ZNF624: variants seen among roughly 807,000 people sequenced by gnomAD.
The protein encoded by ZNF624 is zinc finger protein 624.
A neutral mutation model predicts 74.7 loss-of-function variants in ZNF624; 43 were observed. That is an observed-to-expected ratio of 0.58 (90% CI 0.45 to 0.74). The LOEUF is 0.74. Ranked by LOEUF, ZNF624 falls within the 30% of genes least tolerant of loss-of-function variation. The probability of loss-of-function intolerance (pLI) is 0.00; values close to 1 mark genes in which losing one functional copy is unlikely to be tolerated. For synonymous variants in ZNF624, 331 were observed against 341.3 expected (o/e 0.97, Z 0.33); for missense variants, 820 against 1,030.0 (o/e 0.80, Z 2.79).
At chr17:16,651,573 T>TA (rs1429361104) in intron 1 of ZNF624, among the ~76,000 whole-genome samples, 2 of 151,888 alleles carry the variant, frequency 1.3e-5, no homozygotes, top group African/African-American at 4.8e-5. Flanking sequence ...AGTGTGGAGA[T>TA]AAAAGAGGTA....
At chr17:16,643,862 T>C (rs1332804934) in intron 3 of ZNF624, among the ~76,000 whole-genome samples, 2 of 152,186 alleles carry the variant, frequency 1.3e-5, no homozygotes, top group African/African-American at 4.8e-5. Context: ...GCTGCGACAG[T>C]TTGGATGCCT....
rs149500375 is a variant in ZNF624, at chr17:16,634,113, A to G, written c.281-156T>C. On this transcript the variant is annotated intron_variant, in intron 4 of 5. Transcript: ENST00000311331. The stretch of plus-strand genomic sequence containing the variant: ...CAGTTGCCAATTGTCACATATGGCT[A>G]TTTAAATTTGAATTTAAATAAAATC... Among the ~76,000 whole-genome samples, 511 of 152,350 alleles carry G rather than the reference A, an allele frequency of 3.4e-3. 4 individuals carry two copies. The highest frequency in any genetic ancestry group is 0.012 in the African/African-American group (489 of 41,592).
chr17:16,631,511 A>C (rs1225224748), intron 5 of ZNF624: 1 of 152,216 alleles, frequency 6.6e-6, no homozygotes, highest in African/African-American at 2.4e-5. Flanking sequence ...GGATAGCTTG[A>C]GCCCAGGAGT....
downstream of ZNF624, among the ~76,000 whole-genome samples, chr17:16,620,210 G>A (rs1296817299): frequency 1.3e-5 from 2 of 152,122 alleles, no homozygotes; most frequent in Non-Finnish European, 2.9e-5. Flanking sequence ...GTCTGTTAGG[G>A]CCTTCTGGTA....
At chr17:16,626,738 T>C (rs1417612921) in intron 5 of ZNF624, among the ~76,000 whole-genome samples, 1 of 151,782 alleles carries the variant, frequency 6.6e-6, no homozygotes, top group Non-Finnish European at 1.5e-5. Context: ...GGTGACAAAG[T>C]GAAACCCTGT....
intron 3 of ZNF624, among the ~76,000 whole-genome samples, chr17:16,646,591 G>A (rs1226513399): frequency 6.6e-6 from 1 of 152,210 alleles, no homozygotes; most frequent in Non-Finnish European, 1.5e-5. Context: ...AAAAAAGAAT[G>A]CTGGAATAAG....
chr17:16,627,826 T>A (rs142315839), intron 5 of ZNF624, among the ~76,000 whole-genome samples: 42 of 152,330 alleles, frequency 2.8e-4, no homozygotes, highest in Non-Finnish European at 4.1e-4. Context: ...GAATGAAGAT[T>A]GTTATAGTCC....
Position 16,623,895 on chromosome 17 carries a change from G to T in ZNF624, c.991C>A (p.Pro331Thr). 6.2e-7 allele frequency: 1 copy of T among 1,613,918 alleles called. No homozygotes were observed. Among genetic ancestry groups the T allele is most frequent in the Non-Finnish European group, 8.5e-7 (1 of 1,180,012 alleles). ...TTTCCACATTCATTACATTTATAGG[G>T]TTTTTCTCCAGTGTGGATTTTTTTG... is the stretch of plus-strand genomic sequence containing the variant. ...QHKKIHTGEK[P>T]YKCNECGKAF... Residue 331 changes from proline (P) to threonine (T), a missense_variant, in exon 6 of 6, where the codon CCC (proline) becomes ACC (threonine). Transcript: ENST00000311331. This position sits in a 1 kb window ranked among gnomAD's most constrained non-coding sequence, Gnocchi z 5.3.
intron 3 of ZNF624, among the ~76,000 whole-genome samples, chr17:16,639,829 T>A (rs1183052396): frequency 6.6e-6 from 1 of 152,134 alleles, no homozygotes; most frequent in Non-Finnish European, 1.5e-5. Flanking sequence ...GAGGGGAGAA[T>A]CTGATTTCCA....
rs185359608 is a variant in ZNF624, at chr17:16,622,747, T to G, written c.2139A>C (p.Thr713=). ...KVFTSNSGFN[T]HQRTHTGEKP... ...TCTCTCCAGTATGTGTTCTTTGATG[T>G]GTATTAAAGCCTGAGTTACTTGTGA... Residue 713 remains threonine, a synonymous_variant, in exon 6 of 6, where the codon ACA becomes ACC. Coordinates refer to ENST00000311331, the MANE Select transcript of ZNF624 (RefSeq NM_020787.4). The G allele has an allele frequency of 1.2e-6, 2 of 1,613,750 alleles. No homozygotes were observed. The highest frequency in any genetic ancestry group is 4.5e-5 in the East Asian group (2 of 44,880).
At chr17:16,640,424 T>C (rs2142629434) in intron 3 of ZNF624, among the ~76,000 whole-genome samples, 2 of 149,662 alleles carry the variant, frequency 1.3e-5, no homozygotes, top group South Asian at 4.2e-4. Flanking sequence ...AGAATGGAAA[T>C]AAAATAGAGA....
chr17:16,633,524 T>A (rs1404139929), intron 5 of ZNF624, among the ~76,000 whole-genome samples: 1 of 152,142 alleles, frequency 6.6e-6, no homozygotes, highest in Non-Finnish European at 1.5e-5. Flanking sequence ...AAATGTCAGA[T>A]AATGAAACAA....
downstream of ZNF624, chr17:16,617,517 AC>A: frequency 6.3e-7 from 1 of 1,585,302 alleles, no homozygotes; most frequent in Non-Finnish European, 8.7e-7. Context: ...AATCTCTCCA[AC>A]TGCACAGACT....
rs779822224 is a variant in ZNF624 at position 16,622,408 on chromosome 17, G to A, written c.2478C>T (p.His826=). 6.2e-7 allele frequency: 1 copy of A among 1,613,520 alleles called. No individual in the cohort carries two copies. ...AFRTNSDFTV[H]LRMHTGEKPY... is the part of the protein sequence containing the mutation. Reference sequence around the variant, plus strand: ...GTTTTTCTCCAGTATGCATCCTCAAGTGTACAGTAAAGTCTGAGTTAGTTC... The same window carrying A: ...GTTTTTCTCCAGTATGCATCCTCAAATGTACAGTAAAGTCTGAGTTAGTTC... The change falls in exon 6 of 6, where the codon CAC becomes CAT. Residue 826 remains histidine (H), a synonymous_variant. Transcript: ENST00000311331.
At chr17:16,638,722 G>A (rs971083685) in intron 3 of ZNF624, among the ~76,000 whole-genome samples, 13 of 113,488 alleles carry the variant, frequency 1.1e-4, no homozygotes, top group African/African-American at 3.8e-4. Context: ...GTGGGGTTGG[G>A]GGAGGGATAG....
downstream of ZNF624, among the ~76,000 whole-genome samples, chr17:16,615,993 A>ATATATG (rs1908786110): frequency 1.6e-5 from 2 of 127,188 alleles, no homozygotes; most frequent in Admixed American, 1.6e-4. Context: ...ATATATATAT[A>ATATATG]TATATGAATG....
chr17:16,634,011 G>A, intron 4 of ZNF624, 54 bp from the exon 5 acceptor site: 1 of 1,404,574 alleles, frequency 7.1e-7, no homozygotes, highest in Non-Finnish European at 1.0e-6. Context: ...AAGAACTCCT[G>A]CCAAATTCAG....
chr17:16,638,517 G>T lies in ZNF624; in HGVS notation c.154-3761C>A, dbSNP rs1909389140. 1.3e-5 allele frequency among the ~76,000 whole-genome samples: 2 copies of T among 152,144 alleles called. 1 individual carries two copies. Among genetic ancestry groups the T allele is most frequent in the South Asian group, 4.1e-4 (2 of 4,828 alleles). On this transcript the variant is annotated intron_variant, in intron 3 of 5. Coordinates refer to ENST00000311331, the MANE Select transcript of ZNF624 (RefSeq NM_020787.4). ...GAAAATGTGGCACATATACACCATG[G>T]AATACTATGCAGCCATAAAAAATGA...
intron 3 of ZNF624, among the ~76,000 whole-genome samples, chr17:16,637,698 C>T (rs1299448034): frequency 6.6e-6 from 1 of 152,270 alleles, no homozygotes; most frequent in African/African-American, 2.4e-5. Flanking sequence ...CTTCCTTACA[C>T]CTTATACAAA....
Sources: allele counts gnomAD v4.1 joint callset (sites outside exome capture counted in the v4.1 genomes callset), GRCh38; gene constraint gnomAD v4.1.1; non-coding constraint Gnocchi (gnomAD v3.1); transcripts MANE v1.5; gene names NCBI Gene and HGNC (gene_info 2026-07-23, HGNC 2026-07-21).